The following SPECC1 variants were observed in gnomAD, a reference collection of about 807,000 sequenced individuals.
SPECC1 encodes cytospin-B.
Under a neutral mutation model 104.1 loss-of-function variants are expected in SPECC1, and 62 were observed. The ratio of observed to expected loss-of-function variants is 0.60; its 90% CI spans 0.49 to 0.74. The LOEUF is 0.74. Ranked by LOEUF, SPECC1 falls within the 30% of genes least tolerant of loss-of-function variation. SPECC1 has a pLI of 0.00. For missense variants in SPECC1, 1,306 were observed against 1,310.5 expected (o/e 1.00, Z 0.05); for synonymous variants, 513 against 501.6 (o/e 1.02, Z -0.30).
chr17:20,057,193 G>C (rs564269244), intron 1 of SPECC1, among the ~76,000 whole-genome samples: 1 of 152,288 alleles, frequency 6.6e-6, no homozygotes, highest in African/African-American at 2.4e-5. Flanking sequence ...TGTAATCCCA[G>C]CACTTTGGGA....
intron 1 of SPECC1, 88 bp from the exon 2 acceptor site, chr17:20,096,543 G>C: frequency 1.0e-5 from 14 of 1,395,302 alleles, no homozygotes; most frequent in Non-Finnish European, 1.4e-5. Flanking sequence ...AGTTCATGGT[G>C]ACGTGGTATG....
intron 1 of SPECC1, among the ~76,000 whole-genome samples, chr17:20,035,846 T>G (rs967718799): frequency 1.3e-5 from 2 of 152,218 alleles, no homozygotes; most frequent in African/African-American, 4.8e-5. Flanking sequence ...TTGCTTTTTT[T>G]TTTTGAGACG....
chr17:20,297,919 C>T (rs1401090733), intron 13 of SPECC1, among the ~76,000 whole-genome samples: 1 of 152,224 alleles, frequency 6.6e-6, no homozygotes, highest in Admixed American at 6.5e-5. Flanking sequence ...AGATAATAAG[C>T]AAGCGAGTAG....
intron 1 of SPECC1, among the ~76,000 whole-genome samples, chr17:20,070,110 C>A (rs2046495120): frequency 6.6e-6 from 1 of 152,032 alleles, no homozygotes; most frequent in South Asian, 2.1e-4. Context: ...CTTTCTTTTT[C>A]TTGCCTAATT....
intron 12 of SPECC1, among the ~76,000 whole-genome samples, chr17:20,288,293 A>G (rs1286683501): frequency 6.6e-6 from 1 of 152,190 alleles, no homozygotes; most frequent in African/African-American, 2.4e-5. Context: ...ATTTATATTC[A>G]TTTGGGTATA....
chr17:20,206,730 A>G (rs2036808107), intron 4 of SPECC1, among the ~76,000 whole-genome samples: 1 of 152,136 alleles, frequency 6.6e-6, no homozygotes, highest in Non-Finnish European at 1.5e-5. Context: ...TGACTTACCG[A>G]GTCAAAGAGT....
intron 3 of SPECC1, among the ~76,000 whole-genome samples, chr17:20,143,285 C>T (rs1168986115): frequency 1.3e-5 from 2 of 150,950 alleles, no homozygotes; most frequent in East Asian, 1.9e-4. Flanking sequence ...ACTCAGGAGG[C>T]TGAGGCAGGA....
chr17:20,125,645 T>G (rs904742872), intron 3 of SPECC1, among the ~76,000 whole-genome samples: 2 of 152,250 alleles, frequency 1.3e-5, no homozygotes, highest in Non-Finnish European at 2.9e-5. Flanking sequence ...GGGACTGGCT[T>G]ATTTCCCTTA....
intron 7 of SPECC1, among the ~76,000 whole-genome samples, chr17:20,245,166 T>C (rs2039367692): frequency 6.6e-6 from 1 of 152,094 alleles, no homozygotes. Flanking sequence ...GGCAGAAAGG[T>C]GTTAAATGGT....
chr17:20,174,543 G>T (rs114585690), intron 3 of SPECC1, among the ~76,000 whole-genome samples: 137 of 152,182 alleles, frequency 9.0e-4, no homozygotes, highest in African/African-American at 3.2e-3. Context: ...TCAGTCCCAG[G>T]GGATTGAGCT....
intron 1 of SPECC1, among the ~76,000 whole-genome samples, chr17:20,048,898 GA>G (rs561128088): frequency 5.2e-4 from 74 of 141,298 alleles, no homozygotes; most frequent in Middle Eastern, 3.7e-3. Context: ...TCTCAGAAAA[GA>G]AAAAAAAAAA....
chr17:20,124,546 T>C (rs1000943823), intron 3 of SPECC1, among the ~76,000 whole-genome samples: 3 of 152,188 alleles, frequency 2.0e-5, no homozygotes, highest in African/African-American at 7.2e-5. Context: ...TTTGTTCTTG[T>C]TTTCATAATT....
chr17:20,152,886 T>G (rs1424694295), intron 3 of SPECC1, among the ~76,000 whole-genome samples: 2 of 152,118 alleles, frequency 1.3e-5, no homozygotes, highest in African/African-American at 4.8e-5. Context: ...CAGATGGTCT[T>G]GATCTCTTGA....
chr17:20,220,974 G>A (rs1224196041), intron 4 of SPECC1, among the ~76,000 whole-genome samples: 1 of 151,892 alleles, frequency 6.6e-6, no homozygotes, highest in Non-Finnish European at 1.5e-5. Flanking sequence ...ATACCACATT[G>A]CATATGTCAA....
In SPECC1 at chr17:20,232,920, G is replaced by C. The variant is rs558892532; in HGVS notation, c.2351+515G>C. On this transcript the variant is annotated intron_variant, in intron 7 of 14. Coordinates refer to ENST00000395527, the MANE Select transcript of SPECC1 (RefSeq NM_001243439.2). ...ATAACCTATTTTATTAAAAAAGGATGAGAGTAGAAAACATGCATTTGGCTG... is the reference window on the plus strand; with the variant it reads ...ATAACCTATTTTATTAAAAAAGGATCAGAGTAGAAAACATGCATTTGGCTG... Among the ~76,000 whole-genome samples, 111 of 152,312 alleles carry C rather than the reference G, an allele frequency of 7.3e-4. 3 individuals are homozygous for C. The South Asian group carries it at 0.022, about 30-fold the overall frequency.
intron 3 of SPECC1, among the ~76,000 whole-genome samples, chr17:20,153,652 T>C (rs2032211239): frequency 6.6e-6 from 1 of 152,216 alleles, no homozygotes; most frequent in South Asian, 2.1e-4. Context: ...CCAGGTTGGG[T>C]TGGGGTCTTA....
At chr17:20,134,722 A>G (rs971060593) in intron 3 of SPECC1, among the ~76,000 whole-genome samples, 1 of 152,192 alleles carries the variant, frequency 6.6e-6, no homozygotes, top group African/African-American at 2.4e-5. Context: ...AGTAGCTGGG[A>G]ATATAGGTGT....
At chr17:20,077,586 C>T (rs1329043726) in intron 1 of SPECC1, among the ~76,000 whole-genome samples, 2 of 152,020 alleles carry the variant, frequency 1.3e-5, no homozygotes, top group Admixed American at 1.3e-4. Context: ...CCTGCCTCAG[C>T]CTCTCGAGTA....
intron 1 of SPECC1, 74 bp from the exon 2 acceptor site, chr17:20,096,557 G>T (rs894213045): frequency 1.4e-6 from 2 of 1,473,400 alleles, no homozygotes; most frequent in Non-Finnish European, 1.8e-6. Flanking sequence ...TGGTATGTGG[G>T]GTGTAAAGTG....
Sources: gnomAD v4.1 joint callset for allele counts (sites outside exome capture counted in the v4.1 genomes callset) on GRCh38, gnomAD v4.1.1 for gene constraint, MANE v1.5 for transcripts, NCBI Gene and HGNC (gene_info 2026-07-23, HGNC 2026-07-21) for gene names.